ACAP2: variants seen among roughly 807,000 people sequenced by gnomAD.
ACAP2 encodes ArfGAP with coiled-coil, ankyrin repeat and PH domains 2.
In ACAP2, 39 loss-of-function variants were observed where a neutral mutation model predicts 115.8. The ratio of observed to expected loss-of-function variants is 0.34; its 90% CI spans 0.26 to 0.44. The LOEUF (loss-of-function observed/expected upper bound fraction) is 0.44. Among genes scored for constraint, ACAP2 ranks in the 20% least tolerant of loss-of-function variants. The probability of loss-of-function intolerance (pLI) is 1.00; values close to 1 mark genes in which losing one functional copy is unlikely to be tolerated. For missense variants in ACAP2, 662 were observed against 927.6 expected, an observed-to-expected ratio of 0.71 and a Z score of 3.72; for synonymous variants, 289 against 315.8, an observed-to-expected ratio of 0.92 and a Z score of 0.90.
chr3:195,304,267 A>G (rs1728276509), intron 13 of ACAP2, among the ~76,000 whole-genome samples: 1 of 151,900 alleles, frequency 6.6e-6, no homozygotes, highest in African/African-American at 2.4e-5. Context: ...TATGTTCGAT[A>G]ATGGGAATTA....
intron 1 of ACAP2, among the ~76,000 whole-genome samples, chr3:195,420,076 C>T (rs552314829): frequency 1.9e-4 from 29 of 152,178 alleles, no homozygotes; most frequent in African/African-American, 6.5e-4. Context: ...TTTGCAATGT[C>T]GAGTCTTCAT....
At chr3:195,291,547 A>AT (rs1368899272) in intron 20 of ACAP2, among the ~76,000 whole-genome samples, 159 bp downstream of exon 20, 11 of 152,190 alleles carry the variant, frequency 7.2e-5, no homozygotes, top group African/African-American at 2.6e-4. Context: ...TCTGAAAGAG[A>AT]TTTTTTTTAA....
chr3:195,303,232 A>AATAC (rs1318477586), intron 13 of ACAP2, among the ~76,000 whole-genome samples: 2 of 151,784 alleles, frequency 1.3e-5, no homozygotes, highest in Non-Finnish European at 2.9e-5. Context: ...TATGAGCGTA[A>AATAC]ATACATACAT....
chr3:195,435,994 G>A (rs1715507893), intron 1 of ACAP2, among the ~76,000 whole-genome samples: 1 of 151,692 alleles, frequency 6.6e-6, no homozygotes, highest in African/African-American at 2.4e-5. Context: ...CTGCAATGCT[G>A]TTTTTGTTTC....
In ACAP2 at chr3:195,333,011, A is replaced by G; in HGVS notation, c.669+17T>C. The G allele has an allele frequency of 6.5e-7, 1 of 1,550,120 alleles. No homozygotes were observed. The highest frequency in any genetic ancestry group is 8.8e-7 in the Non-Finnish European group (1 of 1,131,612). The stretch of plus-strand genomic sequence containing the variant: ...CCAATGTATAAAACAGAATCAAGAA[A>G]TATACTGCAACATTACCTGTGCACC... On this transcript the variant is annotated intron_variant, in intron 8 of 22. Transcript: ENST00000326793.
chr3:195,363,274 T>C (rs1356571263), intron 4 of ACAP2, among the ~76,000 whole-genome samples: 1 of 152,104 alleles, frequency 6.6e-6, no homozygotes, highest in African/African-American at 2.4e-5. Context: ...TATAAAACAT[T>C]GATGCAAAAT....
intron 15 of ACAP2, among the ~76,000 whole-genome samples, chr3:195,299,293 C>T (rs1200628209): frequency 1.3e-5 from 2 of 151,818 alleles, no homozygotes; most frequent in Non-Finnish European, 2.9e-5. Flanking sequence ...AAACTGGCTG[C>T]GTGTGGTGGC....
intron 1 of ACAP2, among the ~76,000 whole-genome samples, chr3:195,430,644 G>A (rs926241779): frequency 6.6e-6 from 1 of 152,092 alleles, no homozygotes; most frequent in Admixed American, 6.6e-5. Flanking sequence ...GAACCCGGGA[G>A]GCAGAGGTTG....
chr3:195,400,073 G>C (rs1384671733), intron 1 of ACAP2, among the ~76,000 whole-genome samples: 2 of 151,890 alleles, frequency 1.3e-5, no homozygotes, highest in East Asian at 1.9e-4. Context: ...AGCTACTCGG[G>C]GGGCTGAGGC....
chr3:195,350,202 AGTAGAAACTGAAAAGTT>A (rs1731460559), intron 4 of ACAP2, among the ~76,000 whole-genome samples: 1 of 152,216 alleles, frequency 6.6e-6, no homozygotes, highest in Admixed American at 6.5e-5. Flanking sequence ...TCCAAATCTC[AGTAGAAACTGAAAAGTT>A]GATTCTAAAA....
At chr3:195,304,432 C>A (rs1728286937) in intron 13 of ACAP2, among the ~76,000 whole-genome samples, 1 of 152,168 alleles carries the variant, frequency 6.6e-6, no homozygotes, top group Admixed American at 6.6e-5. Context: ...AGGAACACAG[C>A]ACTGAATATG....
chr3:195,381,560 T>C (rs1733938903), intron 3 of ACAP2, among the ~76,000 whole-genome samples: 1 of 152,186 alleles, frequency 6.6e-6, no homozygotes, highest in African/African-American at 2.4e-5. Flanking sequence ...TAATGCTCTC[T>C]GCGTGCCCCT....
chr3:195,419,112 G>A lies in ACAP2; in HGVS notation c.53+23683C>T, dbSNP rs182003346. Among the ~76,000 whole-genome samples the A allele has an allele frequency of 1.4e-3, 216 of 152,110 alleles. 2 individuals carry two copies. Among genetic ancestry groups the A allele is most frequent in the African/African-American group, 4.9e-3 (201 of 41,434 alleles). On this transcript the variant is annotated intron_variant, in intron 1 of 22. Transcript: ENST00000326793. ...CAAAATTCAAATACCATACCCATTT[G>A]AAGTGTACAATTCAATAGTTTTTAA...
chr3:195,333,569 T>A (rs77352876), intron 7 of ACAP2, among the ~76,000 whole-genome samples: 3 of 152,194 alleles, frequency 2.0e-5, no homozygotes, highest in Non-Finnish European at 4.4e-5. Flanking sequence ...TATTTTCAAA[T>A]ACAATGAAAA....
intron 4 of ACAP2, chr3:195,356,213 G>T (rs1188184255): frequency 2.2e-6 from 1 of 456,546 alleles, no homozygotes; most frequent in Non-Finnish European, 4.4e-6. Flanking sequence ...CAGCAACTGT[G>T]GGACTACAAG....
intron 4 of ACAP2, among the ~76,000 whole-genome samples, chr3:195,357,124 C>T (rs1418804372): frequency 2.6e-5 from 4 of 151,684 alleles, no homozygotes; most frequent in East Asian, 2.0e-4. Context: ...CCAGGAATGG[C>T]GACATTCATG....
Position 195,415,696 on chromosome 3 carries a change from GAT to G in ACAP2, c.54-23551_54-23550del, listed in dbSNP as rs1713663253. Among the ~76,000 whole-genome samples the G allele has an allele frequency of 2.0e-5, 3 of 152,098 alleles. 1 individual carries two copies. Among genetic ancestry groups the G allele is most frequent in the Middle Eastern group, 6.3e-3 (2 of 316 alleles). ...TATCATTTATTTTTAAATATTTTCA[GAT>G]ATATGACTTTATTGCATACCACTGA... is the stretch of plus-strand genomic sequence containing the variant. On this transcript the variant is annotated intron_variant, in intron 1 of 22. Transcript: ENST00000326793.
chr3:195,297,163 A>G, intron 16 of ACAP2, 27 bp downstream of exon 16: 1 of 1,576,616 alleles, frequency 6.3e-7, no homozygotes. Context: ...ATTCCTAATT[A>G]GGGGGAAAAA....
chr3:195,385,388 T>TAAAAAAA (rs57423683), intron 2 of ACAP2, among the ~76,000 whole-genome samples: 1 of 113,942 alleles, frequency 8.8e-6, no homozygotes, highest in Non-Finnish European at 1.9e-5. Flanking sequence ...ACAAACTTAG[T>TAAAAAAA]AAAAAAAAAA....
Sources: gnomAD v4.1 joint callset for allele counts (sites outside exome capture counted in the v4.1 genomes callset) on GRCh38, gnomAD v4.1.1 for gene constraint, MANE v1.5 for transcripts, NCBI Gene and HGNC (gene_info 2026-07-23, HGNC 2026-07-21) for gene names.